Variants in KDM4C observed in about 807,000 individuals in gnomAD.
The protein encoded by KDM4C is lysine demethylase 4C.
Under a neutral mutation model 129.3 loss-of-function variants are expected in KDM4C, and 81 were observed. That is an observed-to-expected ratio of 0.63 (90% confidence interval 0.52 to 0.75). The LOEUF (loss-of-function observed/expected upper bound fraction) is 0.75, where lower values mean the gene tolerates loss of function less well. Among genes scored for constraint, KDM4C ranks in the 30% least tolerant of loss-of-function variants. The pLI, the probability that KDM4C is intolerant of heterozygous loss-of-function variation, is 0.00. For missense variants in KDM4C, 1,457 were observed against 1,304.0 expected, an observed-to-expected ratio of 1.12 and a Z score of -1.81; for synonymous variants, 573 against 456.1, an observed-to-expected ratio of 1.26 and a Z score of -3.26.
At chr9:7,115,216 AT>A (rs997972165) in intron 18 of KDM4C, among the ~76,000 whole-genome samples, 1 of 152,106 alleles carries the variant, frequency 6.6e-6, no homozygotes, top group Non-Finnish European at 1.5e-5. Context: ...TTATTTATTT[AT>A]TTTTTTCGTA....
chr9:7,122,263 A>ACTCTCTCT (rs1410461925), intron 18 of KDM4C, among the ~76,000 whole-genome samples: 1,806 of 144,932 alleles, frequency 0.012, 23 homozygotes, highest in African/African-American at 0.036. Context: ...ACACACACAC[A>ACTCTCTCT]CACTCTCTCT....
intron 8 of KDM4C, among the ~76,000 whole-genome samples, chr9:6,926,945 C>T (rs1822685517): frequency 6.6e-6 from 1 of 152,004 alleles, no homozygotes; most frequent in Non-Finnish European, 1.5e-5. Flanking sequence ...TATACATGTT[C>T]ATTTATCTTA....
chr9:6,848,455 C>A (rs1838245721), intron 4 of KDM4C, among the ~76,000 whole-genome samples: 1 of 151,982 alleles, frequency 6.6e-6, no homozygotes. Context: ...TCACTTGAGG[C>A]CAGGAGTTCG....
intron 19 of KDM4C, among the ~76,000 whole-genome samples, chr9:7,147,596 GC>G (rs1842329736): frequency 6.6e-6 from 1 of 152,180 alleles, no homozygotes; most frequent in African/African-American, 2.4e-5. Flanking sequence ...TATAGATGGA[GC>G]TTTTTTCCCC....
At chr9:7,050,442 CA>C (rs71500910) in intron 17 of KDM4C, among the ~76,000 whole-genome samples, 108 of 78,230 alleles carry the variant, frequency 1.4e-3, no homozygotes, top group Admixed American at 5.6e-3. Context: ...CCCAGATTAC[CA>C]AAAAAAAAAA....
chr9:7,129,557 C>T (rs1435698631), intron 19 of KDM4C, among the ~76,000 whole-genome samples: 2 of 152,108 alleles, frequency 1.3e-5, no homozygotes, highest in Non-Finnish European at 2.9e-5. Flanking sequence ...TCTGCATTCA[C>T]TGAATACCTG....
At chr9:6,793,267 A>T (rs1042079465) in intron 2 of KDM4C, 135 bp downstream of exon 2, 3 of 800,374 alleles carry the variant, frequency 3.7e-6, no homozygotes. Flanking sequence ...TCCATGTGAA[A>T]CATTTGATTT....
intron 15 of KDM4C, among the ~76,000 whole-genome samples, chr9:7,020,192 T>G (rs1824537469): frequency 6.6e-6 from 1 of 152,228 alleles, no homozygotes; most frequent in Non-Finnish European, 1.5e-5. Flanking sequence ...AGAGATTAGT[T>G]ACAATTTTTT....
Position 7,024,447 on chromosome 9 carries a change from AG to A in KDM4C, c.2259+8519del, listed in dbSNP as rs1197819084. 2.2e-4 allele frequency among the ~76,000 whole-genome samples: 33 copies of A among 151,732 alleles called. No individual in the cohort carries two copies. The East Asian group carries it at 3.5e-3, about 16-fold the overall frequency. On this transcript the variant is annotated intron_variant, in intron 15 of 21. Coordinates refer to ENST00000381309, the MANE Select transcript of KDM4C (RefSeq NM_015061.6). Reference sequence around the variant, plus strand: ...TGCTGCACCCATTAACCTGTCATTTAGCATTAGGTATATCACCTAATGCTAT... The same window carrying A: ...TGCTGCACCCATTAACCTGTCATTTACATTAGGTATATCACCTAATGCTAT...
Position 7,174,672 on chromosome 9 carries a change from T to C in KDM4C, c.3114T>C (p.Pro1038=), listed in dbSNP as rs1845285464. The C allele has an allele frequency of 1.2e-6, 2 of 1,614,120 alleles. No homozygotes were observed. The highest frequency in any genetic ancestry group is 1.7e-6 in the Non-Finnish European group (2 of 1,179,972). The change falls in exon 22 of 22, where the codon CCT becomes CCC. Residue 1038 remains proline, a synonymous_variant. Coordinates refer to ENST00000381309, the MANE Select transcript of KDM4C (RefSeq NM_015061.6). ...SRFKNEYVAD[P]VYRTFLKSSF... ...TTAAGAATGAATATGTGGCCGACCC[T>C]GTATACCGCACTTTTTTGAAGAGCT...
chr9:6,934,904 G>A (rs1015982037), intron 8 of KDM4C, among the ~76,000 whole-genome samples: 1 of 150,696 alleles, frequency 6.6e-6, no homozygotes, highest in Non-Finnish European at 1.5e-5. Flanking sequence ...TTTAAATTAG[G>A]TATACCAGAT....
chr9:6,854,501 G>A (rs922609722), intron 5 of KDM4C, among the ~76,000 whole-genome samples: 1 of 131,068 alleles, frequency 7.6e-6, no homozygotes, highest in Non-Finnish European at 1.6e-5. Context: ...CTCCAGCCTG[G>A]GCAACAAGAG....
chr9:6,763,503 T>C (rs1441483423), intron 1 of KDM4C, among the ~76,000 whole-genome samples: 1 of 152,184 alleles, frequency 6.6e-6, no homozygotes, highest in East Asian at 1.9e-4. Context: ...CTCCCTACCC[T>C]CATGCAAGCC....
chr9:6,954,270 G>T (rs754253204), intron 8 of KDM4C, among the ~76,000 whole-genome samples: 26 of 152,200 alleles, frequency 1.7e-4, no homozygotes, highest in African/African-American at 5.3e-4. Flanking sequence ...GAGACTCTTG[G>T]AATGTCTGCT....
rs568988246 is a variant in KDM4C, at chr9:7,018,633, A to G, written c.2259+2704A>G. ...AGAGTTCTCTGTTCCATCCACAGTT[A>G]CTGCCTGGCTCCTGTGCTCACACAC... On this transcript the variant is annotated intron_variant, in intron 15 of 21. Transcript: ENST00000381309. Among the ~76,000 whole-genome samples the G allele has an allele frequency of 1.4e-4, 21 of 152,326 alleles. 1 individual carries two copies. In the South Asian group the frequency reaches 4.1e-3, roughly 30 times the overall value.
At chr9:6,753,551 G>C (rs532433384), upstream of KDM4C, among the ~76,000 whole-genome samples, 1 of 152,152 alleles carries the variant, frequency 6.6e-6, no homozygotes, top group African/African-American at 2.4e-5. Flanking sequence ...TGGGATTACA[G>C]GCATGAGTCA....
intron 4 of KDM4C, among the ~76,000 whole-genome samples, chr9:6,843,057 G>A (rs531220104): frequency 6.6e-6 from 1 of 152,316 alleles, no homozygotes; most frequent in South Asian, 2.1e-4. Context: ...AGCCTCCCGA[G>A]TAGCTGGGAT....
intron 17 of KDM4C, among the ~76,000 whole-genome samples, chr9:7,103,273 C>T (rs748685780): frequency 6.6e-6 from 1 of 152,214 alleles, no homozygotes; most frequent in Non-Finnish European, 1.5e-5. Context: ...ATGACCTGTC[C>T]TCCAAACCCA....
intron 5 of KDM4C, among the ~76,000 whole-genome samples, chr9:6,863,992 G>A (rs1243055096): frequency 2.0e-5 from 3 of 152,106 alleles, no homozygotes; most frequent in East Asian, 3.9e-4. Flanking sequence ...AGCTTTCAAC[G>A]TGAGGTTTAG....
Sources: allele counts gnomAD v4.1 joint callset (sites outside exome capture counted in the v4.1 genomes callset), GRCh38; gene constraint gnomAD v4.1.1; transcripts MANE v1.5; gene names NCBI Gene and HGNC (gene_info 2026-07-23, HGNC 2026-07-21).